The following CDC42EP3 variants were observed in gnomAD, a reference collection of about 807,000 sequenced individuals.
CDC42EP3 encodes the protein CDC42 effector protein (Rho GTPase binding) 3.
CDC42EP3 carries 4 observed loss-of-function variants against 15.5 expected under a neutral mutation model. The ratio of observed to expected loss-of-function variants is 0.26; its 90% confidence interval spans 0.13 to 0.59. The LOEUF (loss-of-function observed/expected upper bound fraction) is 0.59. Ranked by LOEUF, CDC42EP3 falls within the 20% of genes least tolerant of loss-of-function variation. The probability of loss-of-function intolerance (pLI) is 0.89; values close to 1 mark genes in which losing one functional copy is unlikely to be tolerated. For missense variants in CDC42EP3, 309 were observed against 311.2 expected (o/e 0.99, Z 0.05); for synonymous variants, 145 against 130.3 (o/e 1.11, Z -0.77).
In CDC42EP3 at chr2:37,649,445, CAAAAAAAAAAAAAAAA is replaced by C. The variant is rs57232687; in HGVS notation, c.-235-2639_-235-2624del. Among the ~76,000 whole-genome samples the C allele has an allele frequency of 1.4e-3, 69 of 48,172 alleles. 1 individual carries two copies. Among genetic ancestry groups the C allele is most frequent in the Admixed American group, 5.3e-3 (15 of 2,850 alleles). The allele number at this position is 48,172 out of a possible 152,430, so 31.6% of individuals were successfully genotyped here. ...ACTACAGCCTAGCAAGGCCTTGTCTCAAAAAAAAAAAAAAAAAAAAAAAAAAAAAAAAAAAAATCCC... is the reference window on the plus strand; with the variant it reads ...ACTACAGCCTAGCAAGGCCTTGTCTCAAAAAAAAAAAAAAAAAAAAATCCC... On this transcript the variant is annotated intron_variant, in intron 1 of 1. Transcript: ENST00000295324.
chr2:37,660,812 C>G (rs904020388), intron 1 of CDC42EP3, among the ~76,000 whole-genome samples: 2 of 151,704 alleles, frequency 1.3e-5, no homozygotes, highest in Non-Finnish European at 2.9e-5. Context: ...ATGGAATGAA[C>G]CTCAAAGTAG....
chr2:37,649,300 A>T (rs1054893041), intron 1 of CDC42EP3, among the ~76,000 whole-genome samples: 15 of 151,788 alleles, frequency 9.9e-5, no homozygotes, highest in African/African-American at 3.4e-4. Context: ...AAACTTTCTT[A>T]AAAAATTAGC....
rs1393866970 is a variant in CDC42EP3, at chr2:37,643,299, C to T, written c.*2524G>A. On this transcript the variant is annotated 3_prime_UTR_variant, in exon 2 of 2. Transcript: ENST00000295324. The stretch of plus-strand genomic sequence containing the variant: ...CCACCACCAGCAGTCCACCTGCTCT[C>T]AGGGGAAGGGACCAGGCATTGGAAA... The T allele has an allele frequency of 6.6e-6, 1 of 152,240 alleles. No homozygotes were observed. The highest frequency in any genetic ancestry group is 1.9e-4 in the East Asian group (1 of 5,204). The allele number at this position is 152,240 out of a possible 1,614,324, so 9.4% of individuals were successfully genotyped here.
chr2:37,653,979 T>C (rs528503509), intron 1 of CDC42EP3, among the ~76,000 whole-genome samples: 3 of 152,270 alleles, frequency 2.0e-5, no homozygotes, highest in East Asian at 1.9e-4. Flanking sequence ...CTGATCACTT[T>C]TCGCTTTGCC....
chr2:37,670,816 C>G (rs1316133640), intron 1 of CDC42EP3, among the ~76,000 whole-genome samples: 1 of 152,082 alleles, frequency 6.6e-6, no homozygotes, highest in Non-Finnish European at 1.5e-5. Flanking sequence ...TCCATTCATC[C>G]TCACATGTCT....
intron 1 of CDC42EP3, among the ~76,000 whole-genome samples, chr2:37,654,754 C>G (rs758441436): frequency 2.6e-5 from 4 of 152,204 alleles, no homozygotes; most frequent in Non-Finnish European, 4.4e-5. Flanking sequence ...CTTGAAGAAG[C>G]TTTCTCTTTG....
chr2:37,645,069 A>G lies in CDC42EP3; in HGVS notation c.*754T>C, dbSNP rs1665406784. 6.6e-6 allele frequency: 1 copy of G among 152,336 alleles called. No individual in the cohort carries two copies. The highest frequency in any genetic ancestry group is 1.5e-5 in the Non-Finnish European group (1 of 68,032). The allele number at this position is 152,336 out of a possible 1,614,324, so 9.4% of individuals were successfully genotyped here. On this transcript the variant is annotated 3_prime_UTR_variant, in exon 2 of 2. Transcript: ENST00000295324. The stretch of plus-strand genomic sequence containing the variant: ...TAAGTATGAATACACTTTTCCAAAC[A>G]CGCACATACACAGCTTACAATGGAA...
chr2:37,645,871 C>A lies in CDC42EP3; in HGVS notation c.717G>T (p.Gly239=). 6.3e-7 allele frequency: 1 copy of A among 1,581,116 alleles called. No homozygotes were observed. The highest frequency in any genetic ancestry group is 1.2e-5 in the South Asian group (1 of 85,118). The change falls in exon 2 of 2, where the codon GGG becomes GGT. Residue 239 remains glycine (G), a synonymous_variant. Transcript: ENST00000295324. ...GSLLSLQLDL[G]PSLLDEVLNV... is the part of the protein sequence containing the mutation. ...TCAGCACCTCATCCAAAAGTGAGGG[C>A]CCAAGATCAAGCTGCAGGGAGAGGA...
intron 1 of CDC42EP3, among the ~76,000 whole-genome samples, chr2:37,654,942 A>G (rs563433828): frequency 1.3e-5 from 2 of 152,356 alleles, no homozygotes; most frequent in Non-Finnish European, 2.9e-5. Flanking sequence ...TTAGATTTTC[A>G]TTTAAGTTCA....
intron 1 of CDC42EP3, among the ~76,000 whole-genome samples, chr2:37,662,538 C>A (rs941998555): frequency 6.6e-6 from 1 of 152,102 alleles, no homozygotes; most frequent in Admixed American, 6.5e-5. Context: ...TAGTCTAATT[C>A]CCCATTCTGA....
chr2:37,653,898 C>T (rs967188539), intron 1 of CDC42EP3, among the ~76,000 whole-genome samples: 1 of 152,174 alleles, frequency 6.6e-6, no homozygotes. Context: ...CTCCTCCTTG[C>T]AGGAAGTGAG....
chr2:37,645,962 G>A lies in CDC42EP3; in HGVS notation c.626C>T (p.Thr209Ile). ...CTTTCCCTTGATGAGCTCGCATGGG[G>A]TGGGATGGTCAAACATGTCCTCGGC... Reference protein sequence around the residue: ...WPAEDMFDHPTPCELIKGKTK... With the variant: ...WPAEDMFDHPIPCELIKGKTK... The change falls in exon 2 of 2, where the codon ACC becomes ATC. Residue 209 changes from threonine (T) to isoleucine (I), a missense_variant. Physicochemically the swap from Thr to Ile is moderately conservative, Grantham distance 89 (BLOSUM62 -1). Coordinates refer to ENST00000295324, the MANE Select transcript of CDC42EP3 (RefSeq NM_006449.5). 1 of 1,614,090 alleles carries A rather than the reference G, an allele frequency of 6.2e-7. No homozygotes were observed. The highest frequency in any genetic ancestry group is 8.5e-7 in the Non-Finnish European group (1 of 1,179,978).
chr2:37,645,837 C>G lies in CDC42EP3; in HGVS notation c.751G>C (p.Asp251His), dbSNP rs1353752519. The G allele has an allele frequency of 2.0e-6, 3 of 1,528,572 alleles. No individual in the cohort carries two copies. Among genetic ancestry groups the G allele is most frequent in the Admixed American group, 4.5e-5 (2 of 44,146 alleles). 94.7% of individuals were successfully genotyped at this position (1,528,572 alleles called of 1,614,324 possible). ...SLLDEVLNVM[D>H]KNK ...TTGGCATCTTGTTACTTATTTTTATCCATTACATTCAGCACCTCATCCAAA... is the reference window on the plus strand; with the variant it reads ...TTGGCATCTTGTTACTTATTTTTATGCATTACATTCAGCACCTCATCCAAA... Residue 251 changes from aspartate (D) to histidine (H), a missense_variant, in exon 2 of 2, where the codon GAT (aspartate) becomes CAT (histidine). Physicochemically the swap from Asp to His is moderately conservative, Grantham distance 81. Coordinates refer to ENST00000295324, the MANE Select transcript of CDC42EP3 (RefSeq NM_006449.5).
At chr2:37,668,097 TAAC>T (rs1459282420) in intron 1 of CDC42EP3, among the ~76,000 whole-genome samples, 3 of 152,210 alleles carry the variant, frequency 2.0e-5, no homozygotes, top group African/African-American at 7.2e-5. Flanking sequence ...AGTAAGAGAT[TAAC>T]AATAGAATAA....
chr2:37,670,843 A>G (rs1666391885), intron 1 of CDC42EP3, among the ~76,000 whole-genome samples: 1 of 152,216 alleles, frequency 6.6e-6, no homozygotes, highest in Non-Finnish European at 1.5e-5. Flanking sequence ...TGTCTGTGTC[A>G]AGCCACTTAG....
intron 1 of CDC42EP3, among the ~76,000 whole-genome samples, chr2:37,649,396 G>T (rs74893295): frequency 0.086 from 11,776 of 137,690 alleles, 551 homozygotes; most frequent in Middle Eastern, 0.19. Context: ...TCAAGGCTGC[G>T]GAGAGCTATG....
In CDC42EP3 at chr2:37,644,972, C is replaced by A. The variant is rs985451058; in HGVS notation, c.*851G>T. On this transcript the variant is annotated 3_prime_UTR_variant, in exon 2 of 2. Transcript: ENST00000295324. The stretch of plus-strand genomic sequence containing the variant: ...TCTCTGCAGAAGCATCATGAGTAAC[C>A]TGTGCCTTTACACTTTACAATCCGT... 9 of 152,138 alleles carry A rather than the reference C, an allele frequency of 5.9e-5. No homozygotes were observed. Among genetic ancestry groups the A allele is most frequent in the African/African-American group, 2.2e-4 (9 of 41,424 alleles). 9.4% of individuals were successfully genotyped at this position (152,138 alleles called of 1,614,324 possible). A position where few individuals can be genotyped will look rare whatever the true frequency, so the allele number is the denominator to read the frequency against.
chr2:37,649,071 T>G (rs1665576334), intron 1 of CDC42EP3, among the ~76,000 whole-genome samples: 1 of 144,810 alleles, frequency 6.9e-6, no homozygotes, highest in Non-Finnish European at 1.5e-5. Flanking sequence ...GGGGTTCCAA[T>G]TATTTAAAAA....
chr2:37,669,467 G>T (rs186069187), intron 1 of CDC42EP3, among the ~76,000 whole-genome samples: 1 of 152,182 alleles, frequency 6.6e-6, no homozygotes, highest in East Asian at 1.9e-4. Context: ...ATCTTGCACC[G>T]CACTTAAATG....
Sources: allele counts gnomAD v4.1 joint callset (sites outside exome capture counted in the v4.1 genomes callset), GRCh38; gene constraint gnomAD v4.1.1; transcripts MANE v1.5; gene names NCBI Gene and HGNC (gene_info 2026-07-23, HGNC 2026-07-21).